The following LARP4 variants were observed in gnomAD, a reference collection of about 807,000 sequenced individuals.
The protein encoded by LARP4 is la-related protein 4.
Under a neutral mutation model 92.9 loss-of-function variants are expected in LARP4, and 29 were observed. That is an observed-to-expected ratio of 0.31 (90% CI 0.23 to 0.43). LARP4 has a LOEUF of 0.43. Ranked by LOEUF, LARP4 falls within the 20% of genes least tolerant of loss-of-function variation. The probability of loss-of-function intolerance (pLI) is 1.00; values close to 1 mark genes in which losing one functional copy is unlikely to be tolerated. For missense variants in LARP4, 732 were observed against 860.0 expected (o/e 0.85, Z 1.86); for synonymous variants, 279 against 284.1 (o/e 0.98, Z 0.18).
intron 4 of LARP4, among the ~76,000 whole-genome samples, chr12:50,431,832 G>A (rs921008118): frequency 3.3e-5 from 5 of 151,926 alleles, no homozygotes; most frequent in Non-Finnish European, 5.9e-5. Flanking sequence ...CGGCAAGAGC[G>A]AAATTCCACC....
chr12:50,412,889 A>G (rs1324605618), intron 1 of LARP4, among the ~76,000 whole-genome samples: 2 of 152,162 alleles, frequency 1.3e-5, no homozygotes, highest in Non-Finnish European at 2.9e-5. Context: ...GAAGTGATCA[A>G]GATTTTGATG....
At chr12:50,418,849 A>G (rs1054035916) in intron 1 of LARP4, among the ~76,000 whole-genome samples, 13 of 152,034 alleles carry the variant, frequency 8.6e-5, no homozygotes, top group Non-Finnish European at 1.5e-4. Context: ...CTCCCAGGTA[A>G]CTGGAACTAC....
At chr12:50,432,708 A>G (rs1233809335) in intron 4 of LARP4, among the ~76,000 whole-genome samples, 13 of 151,900 alleles carry the variant, frequency 8.6e-5, no homozygotes, top group Non-Finnish European at 1.5e-4. Flanking sequence ...TAAATACAAA[A>G]AATTAGCTGG....
chr12:50,402,378 T>C (rs1387666666), intron 1 of LARP4, among the ~76,000 whole-genome samples: 2 of 152,212 alleles, frequency 1.3e-5, no homozygotes, highest in Non-Finnish European at 2.9e-5. Context: ...TACTGTTTTC[T>C]GTCCTCATTG....
intron 5 of LARP4, among the ~76,000 whole-genome samples, chr12:50,436,538 T>C (rs1950493329): frequency 6.6e-6 from 1 of 152,228 alleles, no homozygotes; most frequent in African/African-American, 2.4e-5. Context: ...GAAATATTTG[T>C]AACAAACTTG....
At chr12:50,428,251 C>T (rs1565994218) in intron 2 of LARP4, among the ~76,000 whole-genome samples, 3 of 152,108 alleles carry the variant, frequency 2.0e-5, no homozygotes, top group Non-Finnish European at 4.4e-5. Flanking sequence ...TGGTCTCGAA[C>T]TCCTGACCTC....
At chr12:50,432,586 G>T (rs762331633) in intron 4 of LARP4, among the ~76,000 whole-genome samples, 1 of 151,996 alleles carries the variant, frequency 6.6e-6, no homozygotes, top group East Asian at 1.9e-4. Flanking sequence ...TTGGCCTGGC[G>T]CAGTGGCTCA....
At chr12:50,406,812 G>T (rs913194165) in intron 1 of LARP4, among the ~76,000 whole-genome samples, 1 of 151,832 alleles carries the variant, frequency 6.6e-6, no homozygotes, top group Non-Finnish European at 1.5e-5. Context: ...TGCCTCCTGG[G>T]TTCAAGTGAT....
chr12:50,420,259 G>C (rs763182370), intron 1 of LARP4, among the ~76,000 whole-genome samples: 9 of 152,168 alleles, frequency 5.9e-5, no homozygotes, highest in Non-Finnish European at 1.0e-4. Context: ...GAAACAGCTT[G>C]AGAAAAATCA....
intron 1 of LARP4, among the ~76,000 whole-genome samples, chr12:50,419,660 A>G (rs1051550908): frequency 2.6e-5 from 4 of 152,172 alleles, no homozygotes; most frequent in African/African-American, 9.7e-5. Context: ...TAATCCCAGC[A>G]CTTTCGGAGA....
rs1956218522 is a variant in LARP4, at chr12:50,466,873, TC to T, written c.1384-85del. 4 of 1,324,594 alleles carry T rather than the reference TC, an allele frequency of 3.0e-6. No homozygotes were observed. The African/African-American group carries it at 5.8e-5, about 19-fold the overall frequency. The allele number at this position is 1,324,594 out of a possible 1,614,324, so 82.1% of individuals were successfully genotyped here. On this transcript the variant is annotated intron_variant, in intron 12 of 15. Transcript: ENST00000398473. ...TATAGAGGTTTTGTTTGCTTCTTTT[TC>T]TTTTCTTGCACCTTTCAGCTTCTGT...
At chr12:50,455,696 A>C (rs1244883624) in intron 10 of LARP4, among the ~76,000 whole-genome samples, 1 of 152,216 alleles carries the variant, frequency 6.6e-6, no homozygotes. Context: ...AACATTGTGT[A>C]CTACTCTTTA....
chr12:50,446,033 C>T (rs1478654975), intron 8 of LARP4, among the ~76,000 whole-genome samples: 10 of 133,232 alleles, frequency 7.5e-5, no homozygotes, highest in East Asian at 2.2e-4. Context: ...GACGGAGTCT[C>T]GCTCTGTCGC....
intron 1 of LARP4, among the ~76,000 whole-genome samples, chr12:50,414,554 C>T (rs1207775730): frequency 6.6e-6 from 1 of 152,228 alleles, no homozygotes; most frequent in Non-Finnish European, 1.5e-5. Flanking sequence ...CCCTCAGCCT[C>T]AGCCTCCAGA....
chr12:50,407,993 A>C (rs1296559188), intron 1 of LARP4, among the ~76,000 whole-genome samples: 3 of 152,098 alleles, frequency 2.0e-5, no homozygotes, highest in Non-Finnish European at 4.4e-5. Context: ...CACCACTTGA[A>C]CCAATCTTTG....
At chr12:50,423,991 G>C (rs2136913332) in intron 1 of LARP4, among the ~76,000 whole-genome samples, 1 of 152,000 alleles carries the variant, frequency 6.6e-6, no homozygotes, top group Non-Finnish European at 1.5e-5. Context: ...CCTGACCTCA[G>C]GTCATCCACC....
intron 2 of LARP4, among the ~76,000 whole-genome samples, chr12:50,428,562 CT>C (rs1398372157): frequency 1.3e-5 from 2 of 152,104 alleles, no homozygotes; most frequent in Non-Finnish European, 2.9e-5. Flanking sequence ...ATCATTGACT[CT>C]GCTATTTACT....
Position 50,440,498 on chromosome 12 carries a change from A to C in LARP4, c.699A>C (p.Ala233=), listed in dbSNP as rs763793333. 1 of 1,614,048 alleles carries C rather than the reference A, an allele frequency of 6.2e-7. No homozygotes were observed. Among genetic ancestry groups the C allele is most frequent in the Non-Finnish European group, 8.5e-7 (1 of 1,179,900 alleles). ...CCAAAGTGATAAGCTGTGAGTTTGC[A>C]CACAATAGCAACTGGTATATCACTT... is the stretch of plus-strand genomic sequence containing the variant. ...NCPKVISCEF[A]HNSNWYITFQ... The change falls in exon 7 of 16, where the codon GCA becomes GCC. Residue 233 remains alanine, a synonymous_variant. Transcript: ENST00000398473.
At chr12:50,461,447 T>G in intron 11 of LARP4, 100 bp downstream of exon 11, 24 of 1,127,782 alleles carry the variant, frequency 2.1e-5, no homozygotes, top group Non-Finnish European at 3.1e-5. Context: ...CATTTAATTA[T>G]TGGTATATGG....
Sources: allele counts gnomAD v4.1 joint callset (sites outside exome capture counted in the v4.1 genomes callset), GRCh38; gene constraint gnomAD v4.1.1; transcripts MANE v1.5; gene names NCBI Gene and HGNC (gene_info 2026-07-23, HGNC 2026-07-21).